Variants in APBA3 observed in about 807,000 individuals in gnomAD.
The protein encoded by APBA3 is amyloid-beta A4 precursor protein-binding family A member 3.
A neutral mutation model predicts 55.9 loss-of-function variants in APBA3; 45 were observed. That is an observed-to-expected ratio of 0.80 (90% CI 0.63 to 1.03). The LOEUF (loss-of-function observed/expected upper bound fraction) is 1.03, where lower values mean the gene tolerates loss of function less well. Among genes scored for constraint, APBA3 ranks in the 50% least tolerant of loss-of-function variants. The pLI, the probability that APBA3 is intolerant of heterozygous loss-of-function variation, is 0.00. For synonymous variants in APBA3, 370 were observed against 353.3 expected, an observed-to-expected ratio of 1.05 and a Z score of -0.53; for missense variants, 865 against 820.3, an observed-to-expected ratio of 1.05 and a Z score of -0.67.
intron 3 of APBA3, among the ~76,000 whole-genome samples, chr19:3,757,682 A>G (rs1249341511): frequency 6.6e-6 from 1 of 152,128 alleles, no homozygotes; most frequent in Non-Finnish European, 1.5e-5. Context: ...AAGTGAGCTG[A>G]GATTGCACCA....
chr19:3,760,092 T>C lies in APBA3; in HGVS notation c.173A>G (p.Gln58Arg), dbSNP rs2037126521. Residue 58 changes from glutamine to arginine, a missense_variant, in exon 2 of 11, where the codon CAG (glutamine) becomes CGG (arginine). By Grantham distance (43) the Gln-to-Arg change is conservative (BLOSUM62 1). Transcript: ENST00000316757. ...SRMELDESSL[Q>R]ELVQQFEALP... ...AGCTTCAAACTGCTGCACCAGCTCC[T>C]GAAGGCTTGACTCATCAAGTTCCAT... 1 of 1,613,322 alleles carries C rather than the reference T, an allele frequency of 6.2e-7. No individual in the cohort carries two copies. Among genetic ancestry groups the C allele is most frequent in the African/African-American group, 1.3e-5 (1 of 74,952 alleles).
intron 3 of APBA3, among the ~76,000 whole-genome samples, chr19:3,758,660 A>C (rs2037107249): frequency 6.6e-6 from 1 of 151,974 alleles, no homozygotes; most frequent in Non-Finnish European, 1.5e-5. Context: ...CGGGCGGATC[A>C]CAAGGTCAGG....
chr19:3,751,084 G>A lies in APBA3; in HGVS notation c.1670C>T (p.Thr557Met), dbSNP rs145673183. ...TEAYGEVHIK[T>M]MPAATYRLLT... ...GAGGCGATATGTGGCAGCTGGCATCGTCTTGATATGCACCTGGGGAGTGGA... is the reference window on the plus strand; with the variant it reads ...GAGGCGATATGTGGCAGCTGGCATCATCTTGATATGCACCTGGGGAGTGGA... The change falls in exon 11 of 11, where the codon ACG (threonine) becomes ATG (methionine). Residue 557 changes from threonine to methionine, a missense_variant. Coordinates refer to ENST00000316757, the MANE Select transcript of APBA3 (RefSeq NM_004886.4). 5.0e-4 allele frequency: 788 copies of A among 1,567,574 alleles called. 3 individuals carry two copies. Among genetic ancestry groups the A allele is most frequent in the African/African-American group, 3.3e-3 (246 of 74,056 alleles).
rs201127819 is a variant in APBA3 at position 3,752,930 on chromosome 19, G to T, written c.1072C>A (p.Arg358=). The T allele has an allele frequency of 6.4e-5, 104 of 1,613,282 alleles. 1 individual carries two copies. Among genetic ancestry groups the T allele is most frequent in the Non-Finnish European group, 7.9e-5 (93 of 1,179,928 alleles). Residue 358 remains arginine, a synonymous_variant, in exon 7 of 11, where the codon CGG becomes AGG. Transcript: ENST00000316757. The part of the protein sequence containing the change: ...AFAAAYSQFL[R]ESGIDPSQVG... The stretch of plus-strand genomic sequence containing the variant: ...TGGCTGGGGTCAATACCGCTTTCCC[G>T]TAGGAACTGGCTGTAGGCGGCGGCG...
intron 3 of APBA3, among the ~76,000 whole-genome samples, chr19:3,757,758 G>A (rs1193738565): frequency 6.6e-6 from 1 of 152,066 alleles, no homozygotes; most frequent in Non-Finnish European, 1.5e-5. Flanking sequence ...TTTAGGGCAG[G>A]GCTTGGCAAA....
rs2037128422 is a variant in APBA3, at chr19:3,760,201, T to C, written c.64A>G (p.Arg22Gly). Reference sequence around the variant, plus strand: ...TCCTCCGAAGGCACAAGAATGTCCCTGGGCCCCTCCAAGTCCATGGCTGGA... The same window carrying C: ...TCCTCCGAAGGCACAAGAATGTCCCCGGGCCCCTCCAAGTCCATGGCTGGA... ...GPPAMDLEGP[R>G]DILVPSEDLT... The change falls in exon 2 of 11, where the codon AGG (arginine) becomes GGG (glycine). Residue 22 changes from arginine to glycine, a missense_variant. Arg to Gly is a moderately radical substitution (Grantham distance 125, BLOSUM62 -2). Coordinates refer to ENST00000316757, the MANE Select transcript of APBA3 (RefSeq NM_004886.4). 6.2e-7 allele frequency: 1 copy of C among 1,612,400 alleles called. No individual in the cohort carries two copies. The highest frequency in any genetic ancestry group is 2.2e-5 in the East Asian group (1 of 44,904).
intron 1 of APBA3, among the ~76,000 whole-genome samples, chr19:3,760,703 C>G (rs988448975): frequency 6.7e-6 from 1 of 149,382 alleles, no homozygotes; most frequent in Non-Finnish European, 1.5e-5. Flanking sequence ...GAGCTGAGAT[C>G]GCGCCATTGC....
At chr19:3,760,345 T>C in intron 1 of APBA3, 44 bp from the exon 2 acceptor site, 2 of 1,312,710 alleles carry the variant, frequency 1.5e-6, no homozygotes, top group Non-Finnish European at 2.1e-6. Context: ...CCGGGTGCAG[T>C]GGCTCATGCC....
At chr19:3,753,188 AG>A in intron 6 of APBA3, 198 bp from the exon 7 acceptor site, 1 of 630,972 alleles carries the variant, frequency 1.6e-6, no homozygotes, top group East Asian at 2.8e-5. Flanking sequence ...AAGGAAGGGG[AG>A]GGGCAGCCCT....
In APBA3 at chr19:3,759,926, C is replaced by G. The variant is rs760099423; in HGVS notation, c.339G>C (p.Leu113=). 9 of 1,611,044 alleles carry G rather than the reference C, an allele frequency of 5.6e-6. No individual in the cohort carries two copies. The Admixed American group carries it at 1.5e-4, about 27-fold the overall frequency. The change falls in exon 2 of 11, where the codon CTG becomes CTC. Residue 113 remains leucine (L), a synonymous_variant. Transcript: ENST00000316757. The part of the protein sequence containing the change: ...LSAEAGRDDL[L]GLLHCEECPP... ...GGCATTCCTCGCAGTGCAAGAGGCC[C>G]AGCAGGTCATCCCGGCCAGCTTCGG...
In APBA3 at chr19:3,752,911, G is replaced by A; in HGVS notation, c.1091C>T (p.Pro364Leu). Reference sequence around the variant, plus strand: ...GCTCGGGTGCACGCCCACCTGGCTGGGGTCAATACCGCTTTCCCGTAGGAA... The same window carrying A: ...GCTCGGGTGCACGCCCACCTGGCTGAGGTCAATACCGCTTTCCCGTAGGAA... ...SQFLRESGID[P>L]SQVGVHPSPG... The change falls in exon 7 of 11, where the codon CCC becomes CTC. Residue 364 changes from proline (P) to leucine (L), a missense_variant. Physicochemically the swap from Pro to Leu is moderately conservative, Grantham distance 98. Coordinates refer to ENST00000316757, the MANE Select transcript of APBA3 (RefSeq NM_004886.4). The A allele has an allele frequency of 1.9e-6, 3 of 1,613,408 alleles. No individual in the cohort carries two copies. The highest frequency in any genetic ancestry group is 1.1e-5 in the South Asian group (1 of 91,086).
intron 3 of APBA3, chr19:3,755,559 C>CGGGGCGGGG (rs1555743060): frequency 3.9e-5 from 2 of 51,264 alleles, no homozygotes; most frequent in African/African-American, 1.3e-4. Context: ...TTTAGGAGGC[C>CGGGGCGGGG]GGGGGGGGGG....
At chr19:3,752,132 T>G (rs1023591408) in intron 8 of APBA3, among the ~76,000 whole-genome samples, 9 of 152,118 alleles carry the variant, frequency 5.9e-5, no homozygotes, top group Non-Finnish European at 1.3e-4. Flanking sequence ...GAGATTTGCT[T>G]GAGCCCAGAA....
rs1392228360 is a variant in APBA3 at position 3,751,099 on chromosome 19, T to C, written c.1657-2A>G. ...AGCTGGCATCGTCTTGATATGCACC[T>C]GGGGAGTGGAGGCGGAACGGGGCTC... On this transcript the variant is annotated splice_acceptor_variant, in intron 10 of 10. Transcript: ENST00000316757. LOFTEE classifies it high-confidence loss of function. The C allele has an allele frequency of 3.2e-6, 5 of 1,567,166 alleles. No individual in the cohort carries two copies. In the African/African-American group the frequency reaches 4.1e-5, roughly 13 times the overall value.
chr19:3,753,306 C>T (rs1302889008), intron 6 of APBA3: 3 of 464,788 alleles, frequency 6.5e-6, no homozygotes, highest in East Asian at 3.6e-5. Context: ...CAGGGACAGC[C>T]CAGGAGCGGG....
At chr19:3,752,789 C>T in intron 7 of APBA3, 31 bp downstream of exon 7, 1 of 1,610,222 alleles carries the variant, frequency 6.2e-7, no homozygotes, top group Non-Finnish European at 8.5e-7. Context: ...GTGGGGGGCA[C>T]CAGGTGGGGG....
In APBA3 at chr19:3,751,037, C is replaced by A. The variant is rs199580985; in HGVS notation, c.1717G>T (p.Val573Leu). Residue 573 changes from valine (V) to leucine (L), a missense_variant, in exon 11 of 11, where the codon GTG (valine) becomes TTG (leucine). Val to Leu is a conservative substitution (Grantham distance 32). Coordinates refer to ENST00000316757, the MANE Select transcript of APBA3 (RefSeq NM_004886.4). ...YRLLTGQEQPVYL is the reference protein window; with the variant it reads ...YRLLTGQEQPLYL ...AAGGGATGAGGTGGTCACAGGTACA[C>A]GGGCTGCTCCTGGCCTGTAAGGAGG... The A allele has an allele frequency of 7.7e-6, 12 of 1,560,796 alleles. No individual in the cohort carries two copies. Among genetic ancestry groups the A allele is most frequent in the Non-Finnish European group, 1.0e-5 (12 of 1,152,226 alleles).
intron 3 of APBA3, chr19:3,756,491 A>G (rs2037081192): frequency 6.6e-6 from 1 of 152,228 alleles, no homozygotes; most frequent in Non-Finnish European, 1.5e-5. Flanking sequence ...AAAAATAAAA[A>G]AGTAAATTAA....
At position 3,751,286 on chromosome 19, in the gene APBA3, A is replaced by T; in HGVS notation, c.1559T>A (p.Ile520Asn). Residue 520 changes from isoleucine to asparagine, a missense_variant, in exon 10 of 11, where the codon ATC (isoleucine) becomes AAC (asparagine). Physicochemically the swap from Ile to Asn is moderately radical, Grantham distance 149. Transcript: ENST00000316757. ...LRGGIAERGG[I>N]RVGHRIIEIN... ...CTCAATGATGCGGTGGCCGACGCGG[A>T]TGCCCCCACGCTCGGCGATGCCACC... The T allele has an allele frequency of 6.5e-7, 1 of 1,541,960 alleles. No homozygotes were observed. The highest frequency in any genetic ancestry group is 2.2e-4 in the Middle Eastern group (1 of 4,642).
Sources: gnomAD v4.1 joint callset for allele counts (sites outside exome capture counted in the v4.1 genomes callset) on GRCh38, gnomAD v4.1.1 for gene constraint, MANE v1.5 for transcripts, NCBI Gene and HGNC (gene_info 2026-07-23, HGNC 2026-07-21) for gene names.